The following FHIP2A variants were observed in gnomAD, a reference collection of about 807,000 sequenced individuals.
FHIP2A encodes FHF complex subunit HOOK interacting protein 2A.
FHIP2A carries 46 observed loss-of-function variants against 93.5 expected under a neutral mutation model. That is an observed-to-expected ratio of 0.49 (90% CI 0.39 to 0.63). The LOEUF (loss-of-function observed/expected upper bound fraction) is 0.63. Among genes scored for constraint, FHIP2A ranks in the 20% least tolerant of loss-of-function variants. FHIP2A has a pLI of 0.00. For missense variants in FHIP2A, 769 were observed against 909.7 expected, an observed-to-expected ratio of 0.85 and a Z score of 1.99; for synonymous variants, 332 against 326.5, an observed-to-expected ratio of 1.02 and a Z score of -0.18.
chr10:114,857,756 T>A (rs1324753127), intron 14 of FHIP2A, among the ~76,000 whole-genome samples: 1 of 152,240 alleles, frequency 6.6e-6, no homozygotes, highest in Admixed American at 6.5e-5. Flanking sequence ...TCTTCATGCA[T>A]AATTGAGAAC....
rs1006377866 is a variant in FHIP2A at position 114,824,265 on chromosome 10, G to A, written c.45+2142G>A. Among the ~76,000 whole-genome samples the A allele has an allele frequency of 2.6e-5, 4 of 152,232 alleles. No homozygotes were observed. In the South Asian group the frequency reaches 6.2e-4, roughly 24 times the overall value. ...AATAAGTACTTAGAAAAAGAAAGAC[G>A]GCTTTCCTGCTCTCCTAGTAAAGGC... On this transcript the variant is annotated intron_variant, in intron 1 of 16. Transcript: ENST00000369248.
In FHIP2A at chr10:114,849,097, G is replaced by A. The variant is rs563674783; in HGVS notation, c.1803+360G>A. On this transcript the variant is annotated intron_variant, in intron 13 of 16. Coordinates refer to ENST00000369248, the MANE Select transcript of FHIP2A (RefSeq NM_020940.4). ...GTGGAGGTTGCAGTGAGCCAAGATC[G>A]TGCCTGGGCAAGAGAGCAAGACTCC... 1.2e-4 allele frequency among the ~76,000 whole-genome samples: 15 copies of A among 127,290 alleles called. No homozygotes were observed. In the East Asian group the frequency reaches 3.0e-3, roughly 25 times the overall value. 83.5% of individuals were successfully genotyped at this position (127,290 alleles called of 152,430 possible).
intron 1 of FHIP2A, among the ~76,000 whole-genome samples, chr10:114,826,124 T>C (rs1191004836): frequency 2.6e-5 from 4 of 152,232 alleles, no homozygotes; most frequent in African/African-American, 9.6e-5. Context: ...CTAGGTTCAG[T>C]CCTTCACTCA....
chr10:114,841,264 C>T (rs1592017655), intron 5 of FHIP2A, among the ~76,000 whole-genome samples: 1 of 147,470 alleles, frequency 6.8e-6, no homozygotes, highest in East Asian at 2.0e-4. Context: ...AAATGTTTTA[C>T]TTTCATAAAG....
intron 3 of FHIP2A, among the ~76,000 whole-genome samples, chr10:114,835,304 G>A (rs2083630858): frequency 6.6e-6 from 1 of 152,194 alleles, no homozygotes; most frequent in South Asian, 2.1e-4. Context: ...ACATGAGCCT[G>A]TGGTCTCACA....
chr10:114,849,888 C>G (rs1388855625), intron 13 of FHIP2A, among the ~76,000 whole-genome samples: 1 of 152,174 alleles, frequency 6.6e-6, no homozygotes, highest in Non-Finnish European at 1.5e-5. Flanking sequence ...CCTTTTCTGT[C>G]TGGCATTTTT....
Position 114,833,421 on chromosome 10 carries a change from C to A in FHIP2A, c.294+19C>A. On this transcript the variant is annotated intron_variant, in intron 3 of 16. Coordinates refer to ENST00000369248, the MANE Select transcript of FHIP2A (RefSeq NM_020940.4). ...AGCTGATGTAAGTTCCTGATCCACA[C>A]CATGTTCTTGGGCATTAGTACATGC... is the stretch of plus-strand genomic sequence containing the variant. 6.2e-7 allele frequency: 1 copy of A among 1,608,868 alleles called. No homozygotes were observed. The highest frequency in any genetic ancestry group is 2.2e-5 in the East Asian group (1 of 44,820).
chr10:114,850,691 C>T (rs1383644226), intron 13 of FHIP2A, among the ~76,000 whole-genome samples: 1 of 152,140 alleles, frequency 6.6e-6, no homozygotes, highest in Non-Finnish European at 1.5e-5. Flanking sequence ...CAGAGCAAGA[C>T]CCTGTCTCCA....
intron 14 of FHIP2A, among the ~76,000 whole-genome samples, chr10:114,857,561 C>T (rs193203557): frequency 5.6e-4 from 85 of 152,240 alleles, no homozygotes; most frequent in African/African-American, 1.7e-3. Flanking sequence ...CCACCTGCCT[C>T]GGCCTCCCAA....
downstream of FHIP2A, among the ~76,000 whole-genome samples, chr10:114,865,442 A>AATACAC (rs2083823996): frequency 6.6e-6 from 1 of 152,188 alleles, no homozygotes; most frequent in South Asian, 2.1e-4. Flanking sequence ...ACAAACATGT[A>AATACAC]ATACACAGCA....
At position 114,843,901 on chromosome 10, in the gene FHIP2A, C is replaced by T. The variant is rs1166198923; in HGVS notation, c.977C>T (p.Pro326Leu). ...AAGGCCCTACCTCAGTCAGTGGATC[C>T]GTTAGATATTGAAACCGTGGAAGCA... ...LYKALPQSVD[P>L]LDIETVEAIN... The change falls in exon 7 of 17, where the codon CCG (proline) becomes CTG (leucine). Residue 326 changes from proline (P) to leucine (L), a missense_variant. By Grantham distance (98) the Pro-to-Leu change is moderately conservative. Coordinates refer to ENST00000369248, the MANE Select transcript of FHIP2A (RefSeq NM_020940.4). The T allele has an allele frequency of 8.2e-6, 13 of 1,584,010 alleles. No individual in the cohort carries two copies. The highest frequency in any genetic ancestry group is 1.1e-5 in the Non-Finnish European group (13 of 1,172,264).
intron 5 of FHIP2A, among the ~76,000 whole-genome samples, chr10:114,841,292 G>A (rs1320862016): frequency 1.6e-5 from 2 of 125,058 alleles, no homozygotes; most frequent in Admixed American, 9.0e-5. Flanking sequence ...TATGCCATTG[G>A]TTTTTTTTTT....
intron 16 of FHIP2A, among the ~76,000 whole-genome samples, chr10:114,896,666 C>T (rs541586649): frequency 1.1e-4 from 17 of 152,330 alleles, no homozygotes; most frequent in Admixed American, 2.0e-4. Flanking sequence ...TTCAAGTTGT[C>T]CCACCTTTCC....
At chr10:114,891,858 C>T (rs57000201) in intron 16 of FHIP2A, among the ~76,000 whole-genome samples, 2,829 of 151,982 alleles carry the variant, frequency 0.019, 89 homozygotes, top group African/African-American at 0.065. Flanking sequence ...TCAGGTGATC[C>T]GCCCACCTCA....
At chr10:114,840,491 A>G (rs1426364356) in intron 5 of FHIP2A, among the ~76,000 whole-genome samples, 1 of 152,194 alleles carries the variant, frequency 6.6e-6, no homozygotes, top group Non-Finnish European at 1.5e-5. Context: ...CCTTAAGTTA[A>G]ATTGGCAGCA....
At chr10:114,898,145 T>C (rs1397555351) in intron 16 of FHIP2A, among the ~76,000 whole-genome samples, 1 of 152,166 alleles carries the variant, frequency 6.6e-6, no homozygotes, top group Non-Finnish European at 1.5e-5. Flanking sequence ...TTTCAACTGA[T>C]CGCTTTTCAG....
intron 16 of FHIP2A, among the ~76,000 whole-genome samples, chr10:114,874,580 G>T (rs2083874739): frequency 6.6e-6 from 1 of 152,150 alleles, no homozygotes. Flanking sequence ...TTGGCTCAGT[G>T]CAACCTCCGC....
At chr10:114,851,634 C>G (rs1454291760) in intron 13 of FHIP2A, among the ~76,000 whole-genome samples, 2 of 135,038 alleles carry the variant, frequency 1.5e-5, no homozygotes, top group Non-Finnish European at 3.1e-5. Flanking sequence ...CTTCAACTTG[C>G]TTCTTTCTCA....
chr10:114,839,120 G>A (rs745737857), intron 5 of FHIP2A, among the ~76,000 whole-genome samples: 6 of 151,916 alleles, frequency 3.9e-5, no homozygotes, highest in Non-Finnish European at 5.9e-5. Flanking sequence ...GAGACGCAGC[G>A]TTTTGTTTTT....
Sources: gnomAD v4.1 joint callset for allele counts (sites outside exome capture counted in the v4.1 genomes callset) on GRCh38, gnomAD v4.1.1 for gene constraint, MANE v1.5 for transcripts, NCBI Gene and HGNC (gene_info 2026-07-23, HGNC 2026-07-21) for gene names.